LECT2: variants seen among roughly 807,000 people sequenced by gnomAD.
The protein encoded by LECT2 is leukocyte cell derived chemotaxin 2.
In LECT2, 11 loss-of-function variants were observed where a neutral mutation model predicts 16.6. That is an observed-to-expected ratio of 0.66 (90% CI 0.42 to 1.09). The LOEUF (loss-of-function observed/expected upper bound fraction) is 1.09, where lower values mean the gene tolerates loss of function less well. Among genes scored for constraint, LECT2 ranks in the 50% least tolerant of loss-of-function variants. The probability of loss-of-function intolerance (pLI) is 0.00; values close to 1 mark genes in which losing one functional copy is unlikely to be tolerated. For synonymous variants in LECT2, 54 were observed against 64.8 expected, an observed-to-expected ratio of 0.83 and a Z score of 0.80; for missense variants, 173 against 184.2, an observed-to-expected ratio of 0.94 and a Z score of 0.35.
intron 2 of LECT2, among the ~76,000 whole-genome samples, chr5:135,952,395 A>G (rs894676153): frequency 2.0e-5 from 3 of 152,138 alleles, no homozygotes; most frequent in Non-Finnish European, 4.4e-5. Flanking sequence ...GCTTAGGGCC[A>G]GCCTCTAATA....
At chr5:135,948,202 A>G (rs1763729915) in intron 3 of LECT2, among the ~76,000 whole-genome samples, 1 of 152,228 alleles carries the variant, frequency 6.6e-6, no homozygotes, top group Admixed American at 6.5e-5. Flanking sequence ...AGACGAAGAT[A>G]ATGTAAGAGG....
intron 1 of LECT2, chr5:135,953,178 T>G: frequency 5.5e-6 from 3 of 541,010 alleles, no homozygotes; most frequent in Non-Finnish European, 9.9e-6. Context: ...GAATTCTGCT[T>G]TGTGACGTTA....
chr5:135,950,167 C>T (rs187818474), intron 3 of LECT2, among the ~76,000 whole-genome samples: 61 of 152,206 alleles, frequency 4.0e-4, no homozygotes, highest in Admixed American at 3.1e-3. Context: ...TAAGGAAGTT[C>T]GTAGCAGCAA....
intron 3 of LECT2, among the ~76,000 whole-genome samples, chr5:135,949,918 C>G (rs767430226): frequency 3.9e-5 from 6 of 152,182 alleles, no homozygotes; most frequent in Non-Finnish European, 7.3e-5. Flanking sequence ...GAGATTTAGA[C>G]GAATCTGATT....
intron 3 of LECT2, among the ~76,000 whole-genome samples, chr5:135,949,151 T>A (rs1763753204): frequency 2.0e-5 from 3 of 152,224 alleles, no homozygotes; most frequent in Admixed American, 6.5e-5. Flanking sequence ...AAGACCTAAG[T>A]AAGTGGAGGA....
chr5:135,947,402 CT>C lies in LECT2; in HGVS notation c.384del (p.Val129PhefsTer69), dbSNP rs759063184. The C allele has an allele frequency of 5.6e-6, 9 of 1,614,050 alleles. No homozygotes were observed. Among genetic ancestry groups the C allele is most frequent in the Middle Eastern group, 1.6e-4 (1 of 6,062 alleles). Reference sequence around the variant, plus strand: ...ACATGCGATTGTATGCCAGGATAAACTTTCTGCAAGGGCAATAGAGTTCCAA... The same window carrying C: ...ACATGCGATTGTATGCCAGGATAAACTTCTGCAAGGGCAATAGAGTTCCAA... ...EKLGTLLPLQ[K>X]VYPGIQSHVH... is the part of the protein sequence containing the mutation. On this transcript the variant is annotated frameshift_variant, in exon 4 of 4. Transcript: ENST00000274507. LOFTEE classifies it high-confidence loss of function.
intron 3 of LECT2, chr5:135,950,942 C>T (rs1448938050): frequency 2.2e-6 from 1 of 455,370 alleles, no homozygotes; most frequent in Admixed American, 3.7e-5. Flanking sequence ...AAATATCTAT[C>T]GGGTACTATG....
chr5:135,953,921 A>T (rs1264104117), intron 1 of LECT2, among the ~76,000 whole-genome samples: 1 of 151,498 alleles, frequency 6.6e-6, no homozygotes, highest in African/African-American at 2.5e-5. Context: ...TGAAACGTGG[A>T]GGAGGGGCTG....
At chr5:135,948,769 G>T (rs936397077) in intron 3 of LECT2, among the ~76,000 whole-genome samples, 6 of 151,558 alleles carry the variant, frequency 4.0e-5, no homozygotes, top group Admixed American at 1.3e-4. Context: ...CCGCCTCCCG[G>T]GTTCACGCCA....
chr5:135,951,071 A>T, intron 3 of LECT2, 152 bp downstream of exon 3: 1 of 738,828 alleles, frequency 1.4e-6, no homozygotes, highest in East Asian at 2.7e-5. Flanking sequence ...TAAAAAATGC[A>T]TCAGCTAGTT....
At chr5:135,948,585 G>C (rs914559778) in intron 3 of LECT2, among the ~76,000 whole-genome samples, 1 of 151,632 alleles carries the variant, frequency 6.6e-6, no homozygotes, top group South Asian at 2.1e-4. Context: ...ATAATACTTT[G>C]AAAATATTGA....
Position 135,954,921 on chromosome 5 carries a change from C to G in LECT2, c.-88G>C. Reference sequence around the variant, plus strand: ...ATATTCAAGTTTGAATGAATACTTCCTAGCTATTTAGCCTTAGAATTCTGC... The same window carrying G: ...ATATTCAAGTTTGAATGAATACTTCGTAGCTATTTAGCCTTAGAATTCTGC... On this transcript the variant is annotated 5_prime_UTR_variant, in exon 1 of 4. Transcript: ENST00000274507. 1.0e-6 allele frequency: 1 copy of G among 972,044 alleles called. No individual in the cohort carries two copies. Among genetic ancestry groups the G allele is most frequent in the Admixed American group, 1.8e-5 (1 of 54,788 alleles). 60.2% of individuals were successfully genotyped at this position (972,044 alleles called of 1,614,324 possible). A position where few individuals can be genotyped will look rare whatever the true frequency, so the allele number is the denominator to read the frequency against.
chr5:135,948,717 C>T (rs1324112792), intron 3 of LECT2, among the ~76,000 whole-genome samples: 1 of 150,412 alleles, frequency 6.6e-6, no homozygotes, highest in Non-Finnish European at 1.5e-5. Context: ...CTGTGTCACC[C>T]AGGCTGGAGT....
intron 2 of LECT2, 148 bp downstream of exon 2, chr5:135,952,723 C>G: frequency 1.7e-6 from 1 of 595,058 alleles, no homozygotes; most frequent in Non-Finnish European, 3.1e-6. Flanking sequence ...TTGGAAGCTG[C>G]TCCAAAGACA....
Position 135,952,904 on chromosome 5 carries a change from T to C in LECT2, c.110A>G (p.Asp37Gly), listed in dbSNP as rs138969788. Residue 37 changes from aspartate (D) to glycine (G), a missense_variant, in exon 2 of 4, where the codon GAC becomes GGC. Physicochemically the swap from Asp to Gly is moderately conservative, Grantham distance 94. Transcript: ENST00000274507. ...GKSSNEIRTC[D>G]RHGCGQYSAQ... ...AGAGTACTGTCCACAGCCATGGCGG[T>C]CACACGTCCGGATCTCATTGGAAGA... 8.1e-6 allele frequency: 13 copies of C among 1,613,956 alleles called. No homozygotes were observed. The African/African-American group carries it at 1.7e-4, about 22-fold the overall frequency.
At chr5:135,953,089 T>C (rs983298634) in intron 1 of LECT2, 122 bp from the exon 2 acceptor site, 1 of 637,764 alleles carries the variant, frequency 1.6e-6, no homozygotes, top group East Asian at 2.7e-5. Context: ...CCCTGGACTT[T>C]ATGTATTTAT....
Position 135,949,334 on chromosome 5 carries a change from G to A in LECT2, c.290-1837C>T, listed in dbSNP as rs1763759450. 2.0e-5 allele frequency among the ~76,000 whole-genome samples: 3 copies of A among 152,246 alleles called. No homozygotes were observed. In the South Asian group the frequency reaches 6.2e-4, roughly 32 times the overall value. On this transcript the variant is annotated intron_variant, in intron 3 of 3. Transcript: ENST00000274507. ...CAAATAACCAAGAATTGCCAAGGCA[G>A]TCTGAAAGAAGAAGAAAGTCAATTC... is the stretch of plus-strand genomic sequence containing the variant.
intron 3 of LECT2, 127 bp downstream of exon 3, chr5:135,951,096 A>G: frequency 2.0e-6 from 2 of 988,712 alleles, no homozygotes; most frequent in Non-Finnish European, 1.5e-6. Context: ...TACACTCTAT[A>G]TTCTTTCTGT....
Position 135,952,922 on chromosome 5 carries a change from T to A in LECT2, c.92A>T (p.Asn31Ile), listed in dbSNP as rs549258032. 1.2e-6 allele frequency: 2 copies of A among 1,614,162 alleles called. No homozygotes were observed. The highest frequency in any genetic ancestry group is 2.2e-5 in the South Asian group (2 of 91,084). ...WANICAGKSS[N>I]EIRTCDRHGC... ...ATGGCGGTCACACGTCCGGATCTCA[T>A]TGGAAGACTTGCCAGCACATATATT... Residue 31 changes from asparagine (N) to isoleucine (I), a missense_variant, in exon 2 of 4, where the codon AAT becomes ATT. Transcript: ENST00000274507.
Sources: allele counts gnomAD v4.1 joint callset (sites outside exome capture counted in the v4.1 genomes callset), GRCh38; gene constraint gnomAD v4.1.1; transcripts MANE v1.5; gene names NCBI Gene and HGNC (gene_info 2026-07-23, HGNC 2026-07-21).